Variants in TOMM20L observed in about 807,000 individuals in gnomAD.
TOMM20L encodes translocase of outer mitochondrial membrane 20 like, also known as TOMM20-like protein 1.
Under a neutral mutation model 20.4 loss-of-function variants are expected in TOMM20L, and 19 were observed. The ratio of observed to expected loss-of-function variants is 0.93; its 90% CI spans 0.65 to 1.36. The LOEUF (loss-of-function observed/expected upper bound fraction) is 1.36, where lower values mean the gene tolerates loss of function less well. Ranked by LOEUF, TOMM20L falls within the 40% of genes most tolerant of loss-of-function variation. The probability of loss-of-function intolerance (pLI) is 0.00; values close to 1 mark genes in which losing one functional copy is unlikely to be tolerated. For synonymous variants in TOMM20L, 75 were observed against 79.6 expected (o/e 0.94, Z 0.30); for missense variants, 218 against 203.7 (o/e 1.07, Z -0.43).
the TOMM20L span, among the ~76,000 whole-genome samples, chr14:58,414,581 T>A: frequency 6.6e-6 from 1 of 150,604 alleles, no homozygotes; most frequent in Non-Finnish European, 1.5e-5. Context: ...CTACTGAAAA[T>A]ACAAAAATTA....
Position 58,408,470 on chromosome 14 carries a change from G to A in TOMM20L, c.406-59G>A. Reference sequence around the variant, plus strand: ...TAATGCCCACCCTGACACAAGGGAGGCAAGAAAAGGATCATGCATTGAAAT... The same window carrying A: ...TAATGCCCACCCTGACACAAGGGAGACAAGAAAAGGATCATGCATTGAAAT... On this transcript the variant is annotated intron_variant, in intron 4 of 4. Coordinates refer to ENST00000360945, the MANE Select transcript of TOMM20L (RefSeq NM_207377.3). The A allele has an allele frequency of 6.7e-6, 10 of 1,499,202 alleles. No individual in the cohort carries two copies. In the South Asian group the frequency reaches 1.2e-4, roughly 17 times the overall value. The allele number at this position is 1,499,202 out of a possible 1,614,324, so 92.9% of individuals were successfully genotyped here.
intron 2 of TOMM20L, among the ~76,000 whole-genome samples, chr14:58,397,063 TATAAA>T (rs1160028153): frequency 6.6e-6 from 1 of 152,158 alleles, no homozygotes; most frequent in East Asian, 1.9e-4. Flanking sequence ...AGACACTGTC[TATAAA>T]AAAAGAAAGA....
chr14:58,405,125 C>T (rs1430739068), intron 3 of TOMM20L, among the ~76,000 whole-genome samples: 1 of 152,096 alleles, frequency 6.6e-6, no homozygotes, highest in East Asian at 1.9e-4. Context: ...TGCACCACCA[C>T]GCCCAGCTAA....
chr14:58,416,596 A>G, the TOMM20L span, among the ~76,000 whole-genome samples: 1 of 152,246 alleles, frequency 6.6e-6, no homozygotes, highest in African/African-American at 2.4e-5. Context: ...TCAAGGAGGA[A>G]AACACAGTAA....
chr14:58,404,129 T>TA lies in TOMM20L; in HGVS notation c.262+1368_262+1369insA, dbSNP rs2036027705. 8.7e-4 allele frequency among the ~76,000 whole-genome samples: 4 copies of TA among 4,610 alleles called. 1 individual carries two copies. The highest frequency in any genetic ancestry group is 1.3e-3 in the African/African-American group (4 of 3,048). 3.0% of individuals were successfully genotyped at this position (4,610 alleles called of 152,430 possible). A position where few individuals can be genotyped will look rare whatever the true frequency, so the allele number is the denominator to read the frequency against. On this transcript the variant is annotated intron_variant, in intron 3 of 4. Coordinates refer to ENST00000360945, the MANE Select transcript of TOMM20L (RefSeq NM_207377.3). ...TATATATATATATATATTTTTTTTT[T>TA]TTTTTTTTTTTTTTTTTGGAGACGG...
At position 58,408,527 on chromosome 14, in the gene TOMM20L, A is replaced by T; in HGVS notation, c.406-2A>T. On this transcript the variant is annotated splice_acceptor_variant, in intron 4 of 4. Transcript: ENST00000360945. LOFTEE classifies it high-confidence loss of function. The stretch of plus-strand genomic sequence containing the variant: ...CAAGTAACTATTTTATGTATTCACC[A>T]GCAATTTGAGGCAGACATGAATGAA... 1 of 1,613,534 alleles carries T rather than the reference A, an allele frequency of 6.2e-7. No homozygotes were observed. The highest frequency in any genetic ancestry group is 8.5e-7 in the Non-Finnish European group (1 of 1,179,766).
chr14:58,399,885 CATATATAT>C (rs869260438), intron 2 of TOMM20L, among the ~76,000 whole-genome samples: 404 of 37,306 alleles, frequency 0.011, 3 homozygotes, highest in African/African-American at 0.02. Flanking sequence ...TGCTCTATTG[CATATATAT>C]ATATATATAT....
chr14:58,396,406 G>C (rs1335642437), intron 2 of TOMM20L, 65 bp downstream of exon 2: 1 of 1,582,556 alleles, frequency 6.3e-7, no homozygotes, highest in Non-Finnish European at 8.6e-7. Flanking sequence ...TGGGTTGCTT[G>C]GCTCCTGGCG....
At chr14:58,409,389 A>G (rs956278492), downstream of TOMM20L, among the ~76,000 whole-genome samples, 1 of 152,190 alleles carries the variant, frequency 6.6e-6, no homozygotes, top group East Asian at 1.9e-4. Flanking sequence ...GTAGTCACTA[A>G]GAGCAATGAT....
intron 4 of TOMM20L, 61 bp downstream of exon 4, chr14:58,407,529 A>G: frequency 6.7e-7 from 1 of 1,502,548 alleles, no homozygotes. Context: ...GTTATGCTTG[A>G]CTACACAGAA....
At chr14:58,408,759 G>T (rs2036113574), downstream of TOMM20L, 11 of 724,510 alleles carry the variant, frequency 1.5e-5, no homozygotes, top group Non-Finnish European at 2.2e-5. Context: ...AGAAACAATG[G>T]TTTATTTTTC....
At chr14:58,398,176 G>A (rs1367092080) in intron 2 of TOMM20L, among the ~76,000 whole-genome samples, 2 of 152,126 alleles carry the variant, frequency 1.3e-5, no homozygotes, top group East Asian at 1.9e-4. Flanking sequence ...CCTCGTCATT[G>A]TCCATGGTTT....
At chr14:58,401,299 T>C (rs959891821) in intron 2 of TOMM20L, among the ~76,000 whole-genome samples, 1 of 151,558 alleles carries the variant, frequency 6.6e-6, no homozygotes, top group Non-Finnish European at 1.5e-5. Context: ...TGGCTGGGCA[T>C]GGTGGCTCAC....
chr14:58,407,588 C>A, intron 4 of TOMM20L, 120 bp downstream of exon 4: 2 of 1,186,620 alleles, frequency 1.7e-6, no homozygotes, highest in Non-Finnish European at 2.3e-6. Flanking sequence ...TAAGTGAAAT[C>A]TCTGAATTTT....
chr14:58,400,743 T>C (rs945776533), intron 2 of TOMM20L, among the ~76,000 whole-genome samples: 2 of 152,002 alleles, frequency 1.3e-5, no homozygotes, highest in African/African-American at 2.4e-5. Flanking sequence ...CTGGGCATAG[T>C]GGCGTGCACC....
intron 2 of TOMM20L, 39 bp downstream of exon 2, chr14:58,396,380 G>A: frequency 3.1e-6 from 5 of 1,610,432 alleles, no homozygotes; most frequent in Non-Finnish European, 4.2e-6. Flanking sequence ...CTCAGTAGAC[G>A]CAGGTCCGGG....
intron 3 of TOMM20L, among the ~76,000 whole-genome samples, chr14:58,403,231 GC>G (rs2036013334): frequency 2.0e-5 from 3 of 152,150 alleles, no homozygotes; most frequent in Admixed American, 2.0e-4. Context: ...CATGGCATGT[GC>G]CTGTAGTCCC....
downstream of TOMM20L, among the ~76,000 whole-genome samples, chr14:58,410,523 A>G (rs2036181215): frequency 6.6e-6 from 1 of 152,190 alleles, no homozygotes. Context: ...GCCATACAGA[A>G]AGGCTGTGCC....
intron 2 of TOMM20L, among the ~76,000 whole-genome samples, chr14:58,401,964 A>G (rs1042600129): frequency 1.3e-5 from 2 of 152,216 alleles, no homozygotes; most frequent in East Asian, 3.8e-4. Context: ...CTCACAACTA[A>G]AAGACCAAAA....
Sources: gnomAD v4.1 joint callset for allele counts (sites outside exome capture counted in the v4.1 genomes callset) on GRCh38, gnomAD v4.1.1 for gene constraint, MANE v1.5 for transcripts, NCBI Gene and HGNC (gene_info 2026-07-23, HGNC 2026-07-21) for gene names.